LCN9: variants seen among roughly 807,000 people sequenced by gnomAD.
LCN9 encodes the protein epididymal-specific lipocalin-9.
LCN9 carries 22 observed loss-of-function variants against 18.5 expected under a neutral mutation model. The ratio of observed to expected loss-of-function variants is 1.19; its 90% CI spans 0.85 to 1.70. LCN9 has a LOEUF of 1.70. Ranked by LOEUF, LCN9 falls within the 40% of genes most tolerant of loss-of-function variation. The pLI is 0.00. For synonymous variants in LCN9, 89 were observed against 83.0 expected, an observed-to-expected ratio of 1.07 and a Z score of -0.39; for missense variants, 202 against 201.3, an observed-to-expected ratio of 1.00 and a Z score of -0.02.
Position 135,664,255 on chromosome 9 carries a change from G to T in LCN9, c.190G>T (p.Glu64Ter). 6.2e-7 allele frequency: 1 copy of T among 1,613,740 alleles called. No homozygotes were observed. Among genetic ancestry groups the T allele is most frequent in the South Asian group, 1.1e-5 (1 of 91,074 alleles). ...CCTGAGGGTCTTCGTCCGGAATATT[G>T]AACACTTGAAGAACGGCAGCCTAAT... Residue 64 changes from glutamate to a stop codon, truncating the protein, a stop_gained, in exon 2 of 6, where the codon GAA (glutamate) becomes TAA (stop). Coordinates refer to ENST00000619315, the Ensembl canonical transcript of LCN9. LOFTEE classifies it high-confidence loss of function. The surrounding 1 kb of genome is among the most constrained non-coding windows in gnomAD (Gnocchi z 4.5).
At chr9:135,663,476 C>T in intron 1 of LCN9, 59 bp downstream of exon 1, 3 of 1,507,384 alleles carry the variant, frequency 2.0e-6, no homozygotes, top group Non-Finnish European at 1.8e-6. Context: ...CTGTCTTCCC[C>T]CAGCCTGGGG....
rs1425164720 is a variant in LCN9 at position 135,664,022 on chromosome 9, T to TG, written c.97-135dup. 2.8e-6 allele frequency: 2 copies of TG among 719,892 alleles called. No individual in the cohort carries two copies. The highest frequency in any genetic ancestry group is 4.1e-6 in the Non-Finnish European group (2 of 492,510). The allele number at this position is 719,892 out of a possible 1,614,324, so 44.6% of individuals were successfully genotyped here. ...GGGGATCTGGTGACGAGGGGAGACC[T>TG]GGGGGCACTGGAAGGGCGGAGGGGT... On this transcript the variant is annotated intron_variant, in intron 1 of 5. Transcript: ENST00000619315. The surrounding 1 kb of genome is among the most constrained non-coding windows in gnomAD (Gnocchi z 4.5).
chr9:135,665,916 G>T lies in LCN9; in HGVS notation c.*65G>T. 6.2e-7 allele frequency: 1 copy of T among 1,610,964 alleles called. No individual in the cohort carries two copies. ...CGCCCAGGCCTCCCATGCGTGAGCT[G>T]CGACTCGGGACGGGCAGGGGGCTGG... On this transcript the variant is annotated 3_prime_UTR_variant, in exon 6 of 6. Transcript: ENST00000619315. This position sits in a 1 kb window ranked among gnomAD's most constrained non-coding sequence, Gnocchi z 5.9.
exon 6 of LCN9, chr9:135,666,395 C>A (rs484198): frequency 0.11 from 46,821 of 435,104 alleles, 3,902 homozygotes; most frequent in African/African-American, 0.3. Flanking sequence ...CATTGGATTT[C>A]GGGCCCATCT....
Position 135,665,330 on chromosome 9 carries a change from C to G in LCN9, c.393C>G (p.Thr131=), listed in dbSNP as rs755097116. 3.1e-6 allele frequency: 5 copies of G among 1,604,864 alleles called. No individual in the cohort carries two copies. The Admixed American group carries it at 6.8e-5, about 22-fold the overall frequency. Residue 131 remains threonine (T), a synonymous_variant, in exon 4 of 6, where the codon ACC becomes ACG. Coordinates refer to ENST00000619315, the Ensembl canonical transcript of LCN9. The surrounding 1 kb of genome is among the most constrained non-coding windows in gnomAD (Gnocchi z 5.9). ...ACCTCCAGAACTTCAGGAACGGGAC[C>G]GAGACCCACACGCTGGCGCTCTATG...
chr9:135,664,587 C>T lies in LCN9; in HGVS notation c.234-135C>T, dbSNP rs184342701. The T allele has an allele frequency of 1.2e-6, 1 of 867,726 alleles. No homozygotes were observed. Among genetic ancestry groups the T allele is most frequent in the East Asian group, 2.7e-5 (1 of 37,204 alleles). The allele number at this position is 867,726 out of a possible 1,614,324, so 53.8% of individuals were successfully genotyped here. On this transcript the variant is annotated intron_variant, in intron 2 of 5. Coordinates refer to ENST00000619315, the Ensembl canonical transcript of LCN9. The surrounding 1 kb of genome is among the most constrained non-coding windows in gnomAD (Gnocchi z 4.5). ...CGGTGGGCTGCAGCAGGGCCCAGCC[C>T]AAGAACTTGGGGCTGTGGAATGAGG...
At position 135,664,258 on chromosome 9, in the gene LCN9, C is replaced by T. The variant is rs12352552; in HGVS notation, c.193C>T (p.His65Tyr). Residue 65 changes from histidine (H) to tyrosine (Y), a missense_variant, in exon 2 of 6, where the codon CAC becomes TAC. Physicochemically the swap from His to Tyr is moderately conservative, Grantham distance 83. Transcript: ENST00000619315. This position sits in a 1 kb window ranked among gnomAD's most constrained non-coding sequence, Gnocchi z 4.5. Reference sequence around the variant, plus strand: ...GAGGGTCTTCGTCCGGAATATTGAACACTTGAAGAACGGCAGCCTAATATT... The same window carrying T: ...GAGGGTCTTCGTCCGGAATATTGAATACTTGAAGAACGGCAGCCTAATATT... The T allele has an allele frequency of 3.1e-3, 4,974 of 1,613,686 alleles. 145 individuals are homozygous for T. The African/African-American group carries it at 0.06, about 20-fold the overall frequency.
chr9:135,665,349 C>G lies in LCN9; in HGVS notation c.412C>G (p.Leu138Val). ...CGGGACCGAGACCCACACGCTGGCGCTCTATGGTACCTCCGCTGTCCCCCT... is the reference window on the plus strand; with the variant it reads ...CGGGACCGAGACCCACACGCTGGCGGTCTATGGTACCTCCGCTGTCCCCCT... The change falls in exon 4 of 6, where the codon CTC becomes GTC. Residue 138 changes from leucine (L) to valine (V), a missense_variant. Coordinates refer to ENST00000619315, the Ensembl canonical transcript of LCN9. This position sits in a 1 kb window ranked among gnomAD's most constrained non-coding sequence, Gnocchi z 5.9. 2 of 1,595,172 alleles carry G rather than the reference C, an allele frequency of 1.3e-6. No homozygotes were observed. The highest frequency in any genetic ancestry group is 1.7e-6 in the Non-Finnish European group (2 of 1,170,958).
In LCN9 at chr9:135,665,661, A is replaced by G. The variant is rs748974721; in HGVS notation, c.419-27A>G. On this transcript the variant is annotated intron_variant, in intron 4 of 5. Transcript: ENST00000619315. This position sits in a 1 kb window ranked among gnomAD's most constrained non-coding sequence, Gnocchi z 5.9. ...CAACTCTGTTCCCAGCACGGGTCCC[A>G]TAGCTGGAACCCTCCTTCCTGAGCA... 5.0e-6 allele frequency: 8 copies of G among 1,606,174 alleles called. No individual in the cohort carries two copies. The South Asian group carries it at 8.9e-5, about 18-fold the overall frequency.
Position 135,664,364 on chromosome 9 carries a change from T to G in LCN9, c.233+66T>G. ...GCCCCTGCCACCCCAACGCATACTCTCACTCTTGCACACACACGCTCGCAC... is the reference window on the plus strand; with the variant it reads ...GCCCCTGCCACCCCAACGCATACTCGCACTCTTGCACACACACGCTCGCAC... On this transcript the variant is annotated intron_variant, in intron 2 of 5. Transcript: ENST00000619315. The surrounding 1 kb of genome is among the most constrained non-coding windows in gnomAD (Gnocchi z 4.5). 1 of 1,588,242 alleles carries G rather than the reference T, an allele frequency of 6.3e-7. No individual in the cohort carries two copies. The highest frequency in any genetic ancestry group is 8.6e-7 in the Non-Finnish European group (1 of 1,160,542).
chr9:135,663,335 TGCTGAGCCTGGG>T, exon 1 of LCN9: 1 of 1,613,472 alleles, frequency 6.2e-7, no homozygotes, highest in Non-Finnish European at 8.5e-7. Flanking sequence ...GCTCTGCTTC[TGCTGAGCCTGGG>T]GCTGAGCCTC....
rs1254892912 is a variant in LCN9, at chr9:135,665,290, T to C, written c.353T>C (p.Leu118Pro). The C allele has an allele frequency of 1.9e-6, 3 of 1,606,998 alleles. No individual in the cohort carries two copies. In the South Asian group the frequency reaches 3.4e-5, roughly 18 times the overall value. ...GCCGTCTCGGAGACTGACTACAGGC[T>C]GTTCATCACCTTCCACCTCCAGAAC... is the stretch of plus-strand genomic sequence containing the variant. The change falls in exon 4 of 6, where the codon CTG (leucine) becomes CCG (proline). Residue 118 changes from leucine to proline, a missense_variant. Coordinates refer to ENST00000619315, the Ensembl canonical transcript of LCN9. The surrounding 1 kb of genome is among the most constrained non-coding windows in gnomAD (Gnocchi z 5.9).
rs1051239226 is a variant in LCN9 at position 135,665,083 on chromosome 9, G to A, written c.308-162G>A. 3.6e-5 allele frequency: 23 copies of A among 644,066 alleles called. No homozygotes were observed. The highest frequency in any genetic ancestry group is 4.2e-4 in the Middle Eastern group (1 of 2,392). The allele number at this position is 644,066 out of a possible 1,614,324, so 39.9% of individuals were successfully genotyped here. On this transcript the variant is annotated intron_variant, in intron 3 of 5. Transcript: ENST00000619315. The surrounding 1 kb of genome is among the most constrained non-coding windows in gnomAD (Gnocchi z 5.9). ...GGAGGGGGCTGTGCCGCTGCTGCCC[G>A]CCCCCTGTGCAGGGGTCTCCGCTGG...
chr9:135,664,758 C>T lies in LCN9; in HGVS notation c.270C>T (p.Cys90=), dbSNP rs778300774. The T allele has an allele frequency of 4.9e-5, 78 of 1,598,564 alleles. No individual in the cohort carries two copies. The highest frequency in any genetic ancestry group is 1.7e-4 in the Middle Eastern group (1 of 6,052). Residue 90 remains cysteine (C), a synonymous_variant, in exon 3 of 6, where the codon TGC becomes TGT. Coordinates refer to ENST00000619315, the Ensembl canonical transcript of LCN9. The surrounding 1 kb of genome is among the most constrained non-coding windows in gnomAD (Gnocchi z 4.5). ...AGTGTGTGGCTGTGGTCGTGGTCTG[C>T]GAGAAGACAGAGAAGAATGGGGAAT...
chr9:135,663,543 G>A (rs962382961), intron 1 of LCN9, 126 bp downstream of exon 1: 60 of 694,656 alleles, frequency 8.6e-5, no homozygotes, highest in Non-Finnish European at 1.3e-4. Flanking sequence ...TCCTCCCCAA[G>A]CTGTGACAGC....
exon 6 of LCN9, chr9:135,666,295 G>A: frequency 1.5e-6 from 1 of 668,010 alleles, no homozygotes; most frequent in Non-Finnish European, 2.5e-6. Flanking sequence ...TCCGGCTGCT[G>A]GGGGCTCCAG....
At position 135,665,579 on chromosome 9, in the gene LCN9, CT is replaced by C; in HGVS notation, c.419-108del. The C allele has an allele frequency of 1.8e-6, 2 of 1,135,608 alleles. No homozygotes were observed. Among genetic ancestry groups the C allele is most frequent in the Non-Finnish European group, 2.6e-6 (2 of 780,240 alleles). The allele number at this position is 1,135,608 out of a possible 1,614,324, so 70.3% of individuals were successfully genotyped here. ...CCCTCTCTGGTCAGGGCGTGACCCC[CT>C]GCCCAGCCTCAGCACTTCCTGAGCA... On this transcript the variant is annotated intron_variant, in intron 4 of 5. Transcript: ENST00000619315. The surrounding 1 kb of genome is among the most constrained non-coding windows in gnomAD (Gnocchi z 5.9).
chr9:135,665,759 C>T lies in LCN9; in HGVS notation c.*9+7C>T. 6.2e-7 allele frequency: 1 copy of T among 1,613,302 alleles called. No individual in the cohort carries two copies. Among genetic ancestry groups the T allele is most frequent in the South Asian group, 1.1e-5 (1 of 90,930 alleles). ...ATCGACTTGACCAACAAAGGTCAGC[C>T]CCACTGCTCCCGGACCAAGCGGGAG... On this transcript the variant is annotated splice_region_variant and intron_variant, in intron 5 of 5. Coordinates refer to ENST00000619315, the Ensembl canonical transcript of LCN9. This position sits in a 1 kb window ranked among gnomAD's most constrained non-coding sequence, Gnocchi z 5.9.
rs746659381 is a variant in LCN9, at chr9:135,663,453, G to C, written c.96+36G>C. On this transcript the variant is annotated intron_variant, in intron 1 of 5. Coordinates refer to ENST00000619315, the Ensembl canonical transcript of LCN9. ...GTTGGGGTCTGTGGGGAAGGGGCCA[G>C]GCTTCAAGGCACCTGTCTTCCCCCA... 2.5e-6 allele frequency: 4 copies of C among 1,577,630 alleles called. No homozygotes were observed. The African/African-American group carries it at 5.4e-5, about 21-fold the overall frequency.
Sources: allele counts gnomAD v4.1 joint callset, GRCh38; gene constraint gnomAD v4.1.1; non-coding constraint Gnocchi (gnomAD v3.1); transcripts MANE v1.5; gene names NCBI Gene and HGNC (gene_info 2026-07-23, HGNC 2026-07-21).